Variants in INHBC observed in about 807,000 individuals in gnomAD.
The protein encoded by INHBC is inhibin subunit beta C.
Under a neutral mutation model 12.4 loss-of-function variants are expected in INHBC, and 10 were observed. That is an observed-to-expected ratio of 0.81 (90% CI 0.50 to 1.37). The LOEUF (loss-of-function observed/expected upper bound fraction) is 1.37. Ranked by LOEUF, INHBC falls within the 40% of genes most tolerant of loss-of-function variation. INHBC has a pLI of 0.00. For missense variants in INHBC, 382 were observed against 439.4 expected (o/e 0.87, Z 1.17); for synonymous variants, 147 against 171.6 (o/e 0.86, Z 1.12).
chr12:57,435,026 C>T lies in INHBC; in HGVS notation c.140C>T (p.Ala47Val), dbSNP rs1240254307. ...ESQRELLLDL[A>V]KRSILDKLHL... Reference sequence around the variant, plus strand: ...CAGCGGGAGCTGCTTCTTGATCTGGCCAAGAGAAGCATCTTGGACAAGCTG... The same window carrying T: ...CAGCGGGAGCTGCTTCTTGATCTGGTCAAGAGAAGCATCTTGGACAAGCTG... The change falls in exon 1 of 2, where the codon GCC becomes GTC. Residue 47 changes from alanine (A) to valine (V), a missense_variant. By Grantham distance (64) the Ala-to-Val change is moderately conservative. Coordinates refer to ENST00000309668, the MANE Select transcript of INHBC (RefSeq NM_005538.4). 1 of 1,614,054 alleles carries T rather than the reference C, an allele frequency of 6.2e-7. No individual in the cohort carries two copies. The highest frequency in any genetic ancestry group is 8.5e-7 in the Non-Finnish European group (1 of 1,180,056).
Position 57,435,062 on chromosome 12 carries a change from AG to A in INHBC, c.177del (p.Gln59HisfsTer5), listed in dbSNP as rs778215209. The A allele has an allele frequency of 6.2e-7, 1 of 1,614,164 alleles. No individual in the cohort carries two copies. The highest frequency in any genetic ancestry group is 8.5e-7 in the Non-Finnish European group (1 of 1,180,032). ...RSILDKLHLT[Q>X]RPTLNRPVSR... ...ATCTTGGACAAGCTGCACCTCACCC[AG>A]CGCCCAACACTGAACCGCCCTGTGT... On this transcript the variant is annotated frameshift_variant, in exon 1 of 2. Coordinates refer to ENST00000309668, the MANE Select transcript of INHBC (RefSeq NM_005538.4). LOFTEE classifies it high-confidence loss of function.
At chr12:57,446,874 G>A (rs1406301012) in intron 1 of INHBC, among the ~76,000 whole-genome samples, 1 of 152,104 alleles carries the variant, frequency 6.6e-6, no homozygotes, top group Non-Finnish European at 1.5e-5. Context: ...AGTGGCCACT[G>A]TTATAAAAGC....
intron 1 of INHBC, among the ~76,000 whole-genome samples, chr12:57,437,739 A>G (rs1870374664): frequency 6.6e-6 from 1 of 151,378 alleles, no homozygotes; most frequent in Admixed American, 6.6e-5. Flanking sequence ...TAGGTCTGGA[A>G]GACCCTTCCC....
intron 1 of INHBC, among the ~76,000 whole-genome samples, chr12:57,443,603 T>TA (rs1032743969): frequency 1.7e-4 from 25 of 148,946 alleles, no homozygotes; most frequent in African/African-American, 2.5e-4. Context: ...ATTTTTCACT[T>TA]AAAAAAAAAA....
chr12:57,439,122 A>C (rs1728400669), intron 1 of INHBC, among the ~76,000 whole-genome samples: 1 of 152,212 alleles, frequency 6.6e-6, no homozygotes, highest in Non-Finnish European at 1.5e-5. Flanking sequence ...GAGACCAGTT[A>C]TTAAACATTT....
At chr12:57,445,828 C>T (rs577647686) in intron 1 of INHBC, among the ~76,000 whole-genome samples, 1 of 151,432 alleles carries the variant, frequency 6.6e-6, no homozygotes, top group Admixed American at 6.6e-5. Flanking sequence ...TCACTGCAAC[C>T]TCTGCCTCGC....
intron 1 of INHBC, among the ~76,000 whole-genome samples, chr12:57,446,216 G>A (rs934972475): frequency 1.3e-5 from 2 of 152,000 alleles, no homozygotes; most frequent in African/African-American, 2.4e-5. Flanking sequence ...GATTACAGGC[G>A]TGAGCCACCA....
chr12:57,450,209 C>T lies in INHBC; in HGVS notation c.*187C>T. The T allele has an allele frequency of 1.8e-6, 1 of 553,304 alleles. No individual in the cohort carries two copies. The highest frequency in any genetic ancestry group is 3.0e-6 in the Non-Finnish European group (1 of 338,894). 34.3% of individuals were successfully genotyped at this position (553,304 alleles called of 1,614,324 possible). A position where few individuals can be genotyped will look rare whatever the true frequency, so the allele number is the denominator to read the frequency against. ...CTTCATCTAAAGCAAGTCACTGTGC[C>T]ATCTTCCTGACCACTACCCTCTTTC... On this transcript the variant is annotated 3_prime_UTR_variant, in exon 2 of 2. Coordinates refer to ENST00000309668, the MANE Select transcript of INHBC (RefSeq NM_005538.4).
intron 1 of INHBC, among the ~76,000 whole-genome samples, chr12:57,445,559 C>G (rs1011634542): frequency 2.0e-5 from 3 of 152,064 alleles, no homozygotes; most frequent in African/African-American, 4.8e-5. Context: ...GGAGAAGGAA[C>G]AGGTTTGGAC....
intron 1 of INHBC, among the ~76,000 whole-genome samples, chr12:57,443,781 TTTTG>T (rs779134098): frequency 4.1e-4 from 63 of 152,122 alleles, no homozygotes; most frequent in African/African-American, 7.7e-4. Context: ...TCAACAAGTA[TTTTG>T]TTTGTTTGTT....
intron 1 of INHBC, among the ~76,000 whole-genome samples, chr12:57,445,531 G>A (rs1017412840): frequency 6.6e-6 from 1 of 152,146 alleles, no homozygotes; most frequent in Non-Finnish European, 1.5e-5. Context: ...TAAGCAATGC[G>A]TTTATGGGGA....
chr12:57,435,861 T>C (rs75438430), intron 1 of INHBC, among the ~76,000 whole-genome samples: 3 of 151,418 alleles, frequency 2.0e-5, no homozygotes, highest in South Asian at 2.1e-4. Context: ...TTTTTTTTTT[T>C]CCTGAGACGG....
At position 57,451,810 on chromosome 12, in the gene INHBC, C is replaced by G. The variant is rs1421716305; in HGVS notation, c.*1788C>G. On this transcript the variant is annotated 3_prime_UTR_variant, in exon 2 of 2. Transcript: ENST00000309668. Reference sequence around the variant, plus strand: ...TCTAAGGAGAATCTAAGGAGGCCTTCTGGTGTCTCCCCCACACATCCCCGA... The same window carrying G: ...TCTAAGGAGAATCTAAGGAGGCCTTGTGGTGTCTCCCCCACACATCCCCGA... 24 of 454,340 alleles carry G rather than the reference C, an allele frequency of 5.3e-5. No individual in the cohort carries two copies. The highest frequency in any genetic ancestry group is 3.1e-5 in the Non-Finnish European group (7 of 226,310). 28.1% of individuals were successfully genotyped at this position (454,340 alleles called of 1,614,324 possible).
intron 1 of INHBC, among the ~76,000 whole-genome samples, chr12:57,443,113 CTTTTTT>C (rs34935222): frequency 1.8e-4 from 13 of 72,398 alleles, no homozygotes; most frequent in Admixed American, 1.3e-3. Context: ...ATAAAGCACT[CTTTTTT>C]TTTTTTTTTT....
chr12:57,451,590 T>C lies in INHBC; in HGVS notation c.*1568T>C, dbSNP rs962509436. ...CAAGGCCGAGTTTGCGCAAAACCCA[T>C]GTGTTCTTTGGTAAACGTGATGTCT... On this transcript the variant is annotated 3_prime_UTR_variant, in exon 2 of 2. Transcript: ENST00000309668. 3.3e-5 allele frequency among the ~76,000 whole-genome samples: 5 copies of C among 152,198 alleles called. No homozygotes were observed. Among genetic ancestry groups the C allele is most frequent in the African/African-American group, 9.7e-5 (4 of 41,442 alleles).
At chr12:57,447,893 ATATATATATAT>A (rs1418943175) in intron 1 of INHBC, among the ~76,000 whole-genome samples, 20 of 20,338 alleles carry the variant, frequency 9.8e-4, no homozygotes, top group Non-Finnish European at 1.5e-3. Flanking sequence ...AAAAAAAAAA[ATATATATATAT>A]ATATATATAT....
intron 1 of INHBC, among the ~76,000 whole-genome samples, chr12:57,439,810 AT>A (rs1870423388): frequency 6.6e-6 from 1 of 152,224 alleles, no homozygotes; most frequent in South Asian, 2.1e-4. Context: ...TCAAAAAAAA[AT>A]GTTAGATCTT....
intron 1 of INHBC, among the ~76,000 whole-genome samples, chr12:57,442,106 C>G (rs547584447): frequency 4.6e-5 from 7 of 152,174 alleles, no homozygotes; most frequent in Non-Finnish European, 7.3e-5. Context: ...ATAAGATGGT[C>G]TCTAATCCTC....
Position 57,441,525 on chromosome 12 carries a change from C to CAA in INHBC, c.313+6344_313+6345dup, listed in dbSNP as rs574320537. ...GGGCAATAAGATCAAAACTCCGTCTCAAAAAAAAAAAAAAAAAAAGTCAAT... is the reference window on the plus strand; with the variant it reads ...GGGCAATAAGATCAAAACTCCGTCTCAAAAAAAAAAAAAAAAAAAAAGTCAAT... On this transcript the variant is annotated intron_variant, in intron 1 of 1. Coordinates refer to ENST00000309668, the MANE Select transcript of INHBC (RefSeq NM_005538.4). Among the ~76,000 whole-genome samples the CAA allele has an allele frequency of 1.7e-3, 95 of 55,062 alleles. 1 individual carries two copies. Among genetic ancestry groups the CAA allele is most frequent in the African/African-American group, 5.4e-3 (90 of 16,604 alleles). The allele number at this position is 55,062 out of a possible 152,430, so 36.1% of individuals were successfully genotyped here.
Sources: allele counts gnomAD v4.1 joint callset (sites outside exome capture counted in the v4.1 genomes callset), GRCh38; gene constraint gnomAD v4.1.1; transcripts MANE v1.5; gene names NCBI Gene and HGNC (gene_info 2026-07-23, HGNC 2026-07-21).